The following SLC12A8 variants were observed in gnomAD, a reference collection of about 807,000 sequenced individuals.
The protein encoded by SLC12A8 is solute carrier family 12 member 8, also known as cation-chloride cotransporter 9.
Under a neutral mutation model 75.6 loss-of-function variants are expected in SLC12A8, and 69 were observed. The ratio of observed to expected loss-of-function variants is 0.91; its 90% CI spans 0.75 to 1.11. SLC12A8 has a LOEUF of 1.11. Ranked by LOEUF, SLC12A8 falls within the 50% of genes most tolerant of loss-of-function variation. The pLI is 0.00. For synonymous variants in SLC12A8, 365 were observed against 372.8 expected (o/e 0.98, Z 0.24); for missense variants, 877 against 896.7 (o/e 0.98, Z 0.28).
intron 5 of SLC12A8, among the ~76,000 whole-genome samples, chr3:125,168,809 A>C (rs1934346394): frequency 6.6e-6 from 1 of 152,212 alleles, no homozygotes; most frequent in Non-Finnish European, 1.5e-5. Context: ...CTACAGCTCC[A>C]AAGGAGTGAC....
At chr3:125,110,669 G>A (rs995782809) in intron 8 of SLC12A8, 7 of 194,688 alleles carry the variant, frequency 3.6e-5, no homozygotes, top group Non-Finnish European at 5.3e-5. Context: ...TCTGGATTCC[G>A]CATGCGTTCC....
chr3:125,125,642 C>T (rs1933186953), intron 6 of SLC12A8, among the ~76,000 whole-genome samples: 3 of 152,130 alleles, frequency 2.0e-5, no homozygotes, highest in African/African-American at 7.2e-5. Context: ...TCATCTACTC[C>T]AACCTTTTAT....
chr3:125,094,911 G>A (rs889392373), intron 10 of SLC12A8, among the ~76,000 whole-genome samples: 2 of 152,184 alleles, frequency 1.3e-5, no homozygotes, highest in African/African-American at 2.4e-5. Context: ...TCTGATACAT[G>A]TGATCACTTT....
Position 125,204,424 on chromosome 3 carries a change from T to C in SLC12A8, c.51+6875A>G, listed in dbSNP as rs531688170. Among the ~76,000 whole-genome samples the C allele has an allele frequency of 7.2e-5, 11 of 152,308 alleles. No individual in the cohort carries two copies. The South Asian group carries it at 1.7e-3, about 23-fold the overall frequency. On this transcript the variant is annotated intron_variant, in intron 2 of 13. Coordinates refer to ENST00000469902, the MANE Select transcript of SLC12A8 (RefSeq NM_024628.6). Reference sequence around the variant, plus strand: ...TAAAAATGAATGAAATCCTGTCATGTGCAGCAACGTGGATGGAACTGGAGG... The same window carrying C: ...TAAAAATGAATGAAATCCTGTCATGCGCAGCAACGTGGATGGAACTGGAGG...
At chr3:125,192,621 C>G (rs925782130) in intron 2 of SLC12A8, 2 of 154,384 alleles carry the variant, frequency 1.3e-5, no homozygotes, top group African/African-American at 4.8e-5. Context: ...TTTCCTTGAT[C>G]TCACTGGACT....
chr3:125,104,424 A>G (rs1938970798), intron 10 of SLC12A8, among the ~76,000 whole-genome samples: 1 of 151,782 alleles, frequency 6.6e-6, no homozygotes, highest in African/African-American at 2.4e-5. Flanking sequence ...AAAAAATTTT[A>G]AAGGAGGAAG....
At chr3:125,198,403 G>A (rs1245529658) in intron 2 of SLC12A8, among the ~76,000 whole-genome samples, 1 of 152,186 alleles carries the variant, frequency 6.6e-6, no homozygotes, top group Non-Finnish European at 1.5e-5. Context: ...GGAGGCTGAG[G>A]TGGGTGATCA....
chr3:125,107,004 T>A (rs955686655), intron 10 of SLC12A8, among the ~76,000 whole-genome samples: 2 of 152,252 alleles, frequency 1.3e-5, no homozygotes, highest in Admixed American at 1.3e-4. Context: ...TGTCTCTGTG[T>A]ATCTCTGTGT....
In SLC12A8 at chr3:125,148,498, G is replaced by A. The variant is rs894187943; in HGVS notation, c.623-12716C>T. Among the ~76,000 whole-genome samples, 5 of 97,034 alleles carry A rather than the reference G, an allele frequency of 5.2e-5. No individual in the cohort carries two copies. The Admixed American group carries it at 5.3e-4, about 10-fold the overall frequency. The allele number at this position is 97,034 out of a possible 152,430, so 63.7% of individuals were successfully genotyped here. ...TGGGCCCTGGAGTGAGGGTAGTGGG[G>A]AGAAGAGTGGGGTGGGGGGCCCACG... On this transcript the variant is annotated intron_variant, in intron 5 of 13. Transcript: ENST00000469902.
intron 6 of SLC12A8, among the ~76,000 whole-genome samples, chr3:125,129,991 TG>T (rs1327113436): frequency 6.6e-6 from 1 of 152,058 alleles, no homozygotes; most frequent in Non-Finnish European, 1.5e-5. Context: ...CCTCCCCAGC[TG>T]GTAAAATAAA....
intron 3 of SLC12A8, among the ~76,000 whole-genome samples, chr3:125,188,851 G>A (rs201510068): frequency 3.9e-4 from 60 of 152,214 alleles, no homozygotes; most frequent in African/African-American, 1.2e-3. Flanking sequence ...GGCTAAGGCC[G>A]AAACCTGAGC....
At chr3:125,120,718 G>C in intron 6 of SLC12A8, 32 bp from the exon 7 acceptor site, 1 of 1,547,926 alleles carries the variant, frequency 6.5e-7, no homozygotes. Context: ...AATGGGGTGA[G>C]CAGCCTCCTC....
intron 1 of SLC12A8, among the ~76,000 whole-genome samples, chr3:125,212,430 C>G (rs1396778246): frequency 1.3e-5 from 2 of 152,128 alleles, no homozygotes; most frequent in Non-Finnish European, 2.9e-5. Context: ...CGCCCACATT[C>G]ACCTGGCTCC....
At chr3:125,129,687 G>T (rs1933305111) in intron 6 of SLC12A8, among the ~76,000 whole-genome samples, 1 of 152,230 alleles carries the variant, frequency 6.6e-6, no homozygotes, top group African/African-American at 2.4e-5. Flanking sequence ...TTCCAGAAGA[G>T]GATGGTGTTG....
intron 6 of SLC12A8, among the ~76,000 whole-genome samples, chr3:125,128,239 G>A (rs1477765461): frequency 1.5e-5 from 2 of 137,390 alleles, no homozygotes; most frequent in African/African-American, 5.2e-5. Context: ...GGAGTGCAGT[G>A]GCGGGATCTC....
chr3:125,119,069 G>T, intron 7 of SLC12A8: 1 of 443,974 alleles, frequency 2.3e-6, no homozygotes, highest in East Asian at 4.0e-5. Context: ...CCATTGTTTT[G>T]TTTCTTTTTT....
rs759024050 is a variant in SLC12A8 at position 125,088,291 on chromosome 3, G to T, written c.1982+19C>A. 5 of 1,613,398 alleles carry T rather than the reference G, an allele frequency of 3.1e-6. No individual in the cohort carries two copies. Among genetic ancestry groups the T allele is most frequent in the Non-Finnish European group, 4.2e-6 (5 of 1,179,370 alleles). Reference sequence around the variant, plus strand: ...TGGACACTCATCCATTCTGGTACTGGCTCCAAATTGGCACAGACCTGCAGG... The same window carrying T: ...TGGACACTCATCCATTCTGGTACTGTCTCCAAATTGGCACAGACCTGCAGG... On this transcript the variant is annotated intron_variant, in intron 13 of 13. Coordinates refer to ENST00000469902, the MANE Select transcript of SLC12A8 (RefSeq NM_024628.6).
rs145259859 is a variant in SLC12A8, at chr3:125,182,063, G to A, written c.391-4089C>T. 2.2e-3 allele frequency among the ~76,000 whole-genome samples: 337 copies of A among 152,266 alleles called. 1 individual carries two copies. The highest frequency in any genetic ancestry group is 7.8e-3 in the African/African-American group (326 of 41,554). ...CTGGGTGCCGGGTGCAGTGGTTTAC[G>A]CCTATAATCCCAGCACTTTGGGACA... is the stretch of plus-strand genomic sequence containing the variant. On this transcript the variant is annotated intron_variant, in intron 4 of 13. Coordinates refer to ENST00000469902, the MANE Select transcript of SLC12A8 (RefSeq NM_024628.6).
chr3:125,211,574 C>T (rs1340849048), intron 1 of SLC12A8, among the ~76,000 whole-genome samples, 180 bp from the exon 2 acceptor site: 3 of 152,178 alleles, frequency 2.0e-5, no homozygotes, highest in South Asian at 2.1e-4. Context: ...AGGTAGATCC[C>T]GCTGGTCCTT....
Sources: allele counts gnomAD v4.1 joint callset (sites outside exome capture counted in the v4.1 genomes callset), GRCh38; gene constraint gnomAD v4.1.1; transcripts MANE v1.5; gene names NCBI Gene and HGNC (gene_info 2026-07-23, HGNC 2026-07-21).